Variants in NDUFAF2 observed in about 807,000 individuals in gnomAD.
The protein encoded by NDUFAF2 is NADH dehydrogenase [ubiquinone] 1 alpha subcomplex assembly factor 2.
In NDUFAF2, 13 loss-of-function variants were observed where a neutral mutation model predicts 22.8. The observed-to-expected ratio is 0.57, with a 90% CI of 0.37 to 0.91. The LOEUF is 0.91. NDUFAF2 is among the 40% of genes least tolerant of loss of function. The pLI is 0.01. For missense variants in NDUFAF2, 162 were observed against 195.2 expected (o/e 0.83, Z 1.01); for synonymous variants, 53 against 64.2 (o/e 0.83, Z 0.84).
intron 1 of NDUFAF2, among the ~76,000 whole-genome samples, chr5:60,956,267 G>C (rs146982050): frequency 6.6e-6 from 1 of 152,152 alleles, no homozygotes; most frequent in African/African-American, 2.4e-5. Flanking sequence ...CTTTTTTTGT[G>C]TGTGGAATCT....
At chr5:61,087,088 G>C (rs1752512722) in intron 2 of NDUFAF2, among the ~76,000 whole-genome samples, 1 of 152,126 alleles carries the variant, frequency 6.6e-6, no homozygotes, top group South Asian at 2.1e-4. Flanking sequence ...ACCTTTGAGA[G>C]GTAATTAGAG....
chr5:61,054,587 G>C (rs1561552411), intron 1 of NDUFAF2, among the ~76,000 whole-genome samples: 1 of 152,174 alleles, frequency 6.6e-6, no homozygotes, highest in Admixed American at 6.5e-5. Flanking sequence ...CTGAGATACA[G>C]GGCAAAATCC....
chr5:61,126,472 A>G (rs1431412920), intron 3 of NDUFAF2, among the ~76,000 whole-genome samples: 3 of 152,060 alleles, frequency 2.0e-5, no homozygotes, highest in Non-Finnish European at 4.4e-5. Context: ...GCAGTTTATC[A>G]TAAAAACATT....
intron 3 of NDUFAF2, chr5:61,116,240 T>C (rs185159047): frequency 6.6e-6 from 1 of 152,216 alleles, no homozygotes; most frequent in East Asian, 1.9e-4. Flanking sequence ...CCAGCTAGAT[T>C]TACCTAGGAA....
chr5:61,012,941 A>C (rs989645456), intron 1 of NDUFAF2, among the ~76,000 whole-genome samples: 1 of 152,130 alleles, frequency 6.6e-6, no homozygotes, highest in African/African-American at 2.4e-5. Context: ...TGTTTTGAAA[A>C]TTGTAACAAT....
intron 1 of NDUFAF2, among the ~76,000 whole-genome samples, chr5:61,003,228 G>A (rs1002006467): frequency 1.6e-4 from 24 of 152,074 alleles, no homozygotes; most frequent in Non-Finnish European, 2.9e-5. Context: ...ACAGTTACAG[G>A]CTGATTTTTA....
At chr5:60,968,331 C>T (rs575187094) in intron 1 of NDUFAF2, among the ~76,000 whole-genome samples, 43 of 151,846 alleles carry the variant, frequency 2.8e-4, no homozygotes, top group African/African-American at 1.0e-3. Flanking sequence ...GTCTCCATTT[C>T]CTTTTTATCT....
chr5:61,076,942 A>G (rs1425675620), intron 2 of NDUFAF2, among the ~76,000 whole-genome samples: 1 of 152,198 alleles, frequency 6.6e-6, no homozygotes, highest in African/African-American at 2.4e-5. Flanking sequence ...AGCAGACAGT[A>G]ATTACTCTTA....
intron 1 of NDUFAF2, among the ~76,000 whole-genome samples, chr5:60,954,066 T>C (rs1750582394): frequency 6.6e-6 from 1 of 152,150 alleles, no homozygotes; most frequent in African/African-American, 2.4e-5. Context: ...GTGGTGCTTT[T>C]TGAGTGTTGG....
chr5:61,113,589 A>T (rs1454315122), intron 3 of NDUFAF2, among the ~76,000 whole-genome samples: 5 of 152,030 alleles, frequency 3.3e-5, no homozygotes, highest in African/African-American at 1.2e-4. Context: ...GTTCTCACAC[A>T]ATCTGATGGT....
chr5:61,016,546 CTTT>C (rs1751513953), intron 1 of NDUFAF2, among the ~76,000 whole-genome samples: 1 of 152,092 alleles, frequency 6.6e-6, no homozygotes, highest in Non-Finnish European at 1.5e-5. Flanking sequence ...AAGCTTTCTT[CTTT>C]TTTCACTAAT....
At chr5:61,026,887 T>C (rs1046526035) in intron 1 of NDUFAF2, among the ~76,000 whole-genome samples, 3 of 151,858 alleles carry the variant, frequency 2.0e-5, no homozygotes, top group Admixed American at 6.6e-5. Context: ...TATTCATGGA[T>C]TGTAGGTGAA....
intron 1 of NDUFAF2, among the ~76,000 whole-genome samples, chr5:60,970,561 C>G (rs1580072551): frequency 6.6e-6 from 1 of 152,112 alleles, no homozygotes; most frequent in African/African-American, 2.4e-5. Context: ...TATCTCACAA[C>G]TTAATTTATT....
At chr5:61,003,903 G>A (rs1751331296) in intron 1 of NDUFAF2, among the ~76,000 whole-genome samples, 1 of 151,988 alleles carries the variant, frequency 6.6e-6, no homozygotes, top group Admixed American at 6.6e-5. Context: ...CTGTCCTCAA[G>A]TGATCCTTCC....
At chr5:61,111,864 C>T (rs915740153) in intron 3 of NDUFAF2, among the ~76,000 whole-genome samples, 9 of 152,030 alleles carry the variant, frequency 5.9e-5, no homozygotes, top group African/African-American at 1.5e-4. Flanking sequence ...ATGATCCGCC[C>T]GCCTCGGCCT....
At chr5:60,982,388 ATT>A (rs962660814) in intron 1 of NDUFAF2, among the ~76,000 whole-genome samples, 3 of 152,022 alleles carry the variant, frequency 2.0e-5, no homozygotes, top group African/African-American at 7.2e-5. Flanking sequence ...TCCCGTTTTT[ATT>A]TTTTAATTTT....
At chr5:60,957,922 T>A (rs1201517657) in intron 1 of NDUFAF2, among the ~76,000 whole-genome samples, 1 of 152,214 alleles carries the variant, frequency 6.6e-6, no homozygotes, top group Non-Finnish European at 1.5e-5. Context: ...CCTGTATTAG[T>A]GATAACCAGG....
At chr5:61,091,886 G>A (rs561941795) in intron 2 of NDUFAF2, among the ~76,000 whole-genome samples, 136 of 152,248 alleles carry the variant, frequency 8.9e-4, no homozygotes, top group African/African-American at 3.2e-3. Flanking sequence ...GTATAAGGAA[G>A]TGGTCCAGTT....
At position 60,946,421 on chromosome 5, in the gene NDUFAF2, T is replaced by C. The variant is rs116150598; in HGVS notation, c.127+1039T>C. The stretch of plus-strand genomic sequence containing the variant: ...TGTATTCTGTGATTTATCACTCAAT[T>C]AATTTATTTTTGCCTGGCCTTTTTC... On this transcript the variant is annotated intron_variant, in intron 1 of 3. Coordinates refer to ENST00000296597, the MANE Select transcript of NDUFAF2 (RefSeq NM_174889.5). 3.1e-3 allele frequency among the ~76,000 whole-genome samples: 469 copies of C among 152,282 alleles called. 6 individuals are homozygous for C. Among genetic ancestry groups the C allele is most frequent in the African/African-American group, 0.011 (446 of 41,562 alleles).
Sources: gnomAD v4.1 joint callset for allele counts (sites outside exome capture counted in the v4.1 genomes callset) on GRCh38, gnomAD v4.1.1 for gene constraint, MANE v1.5 for transcripts, NCBI Gene and HGNC (gene_info 2026-07-23, HGNC 2026-07-21) for gene names.